Variants in ATOSA observed in about 807,000 individuals in gnomAD.
ATOSA encodes the protein atos homolog protein A.
the ATOSA span, among the ~76,000 whole-genome samples, chr15:52,590,105 A>T: frequency 1.3e-5 from 2 of 152,154 alleles, no homozygotes; most frequent in African/African-American, 4.8e-5. Context: ...TGGGATTTTA[A>T]AATGGAATAG....
chr15:52,705,694 G>A, the ATOSA span, among the ~76,000 whole-genome samples: 3 of 152,062 alleles, frequency 2.0e-5, no homozygotes, highest in Non-Finnish European at 4.4e-5. Flanking sequence ...TCAATACATA[G>A]ATTCCCAGCA....
At chr15:52,664,145 G>A in the ATOSA span, among the ~76,000 whole-genome samples, 5 of 152,192 alleles carry the variant, frequency 3.3e-5, no homozygotes, top group African/African-American at 1.2e-4. Context: ...CCTTACTAAA[G>A]TAGGAAACCA....
At chr15:52,685,970 A>G in the ATOSA span, among the ~76,000 whole-genome samples, 1 of 151,962 alleles carries the variant, frequency 6.6e-6, no homozygotes, top group Non-Finnish European at 1.5e-5. Context: ...CACTCAAGTG[A>G]TCTTCCCACC....
the ATOSA span, among the ~76,000 whole-genome samples, chr15:52,641,760 GA>G: frequency 6.6e-6 from 1 of 152,162 alleles, no homozygotes; most frequent in Non-Finnish European, 1.5e-5. Flanking sequence ...GGTAAGAACA[GA>G]AACAACACAT....
chr15:52,703,964 A>C, the ATOSA span, among the ~76,000 whole-genome samples: 1 of 152,342 alleles, frequency 6.6e-6, no homozygotes, highest in South Asian at 2.1e-4. Context: ...TCCAGGATAT[A>C]CTATTAAGAG....
chr15:52,679,540 G>A, the ATOSA span, among the ~76,000 whole-genome samples: 1 of 152,188 alleles, frequency 6.6e-6, no homozygotes, highest in Non-Finnish European at 1.5e-5. Flanking sequence ...GCAGGTGCCC[G>A]GCGGGTGCGA....
chr15:52,678,023 T>G, the ATOSA span: 36 of 1,613,916 alleles, frequency 2.2e-5, no homozygotes, highest in African/African-American at 1.3e-5. Flanking sequence ...TGGCTTCATT[T>G]TCACATCCAA....
At chr15:52,683,449 T>C in the ATOSA span, among the ~76,000 whole-genome samples, 1 of 152,204 alleles carries the variant, frequency 6.6e-6, no homozygotes, top group African/African-American at 2.4e-5. Context: ...AGAATTTAAA[T>C]TGGTTGATAT....
chr15:52,603,955 G>A, the ATOSA span, among the ~76,000 whole-genome samples: 10 of 152,234 alleles, frequency 6.6e-5, no homozygotes, highest in East Asian at 5.8e-4. Context: ...ATAATTTATC[G>A]TATATTTAAA....
chr15:52,675,508 T>C, the ATOSA span, among the ~76,000 whole-genome samples: 4 of 152,380 alleles, frequency 2.6e-5, no homozygotes, highest in South Asian at 4.1e-4. Context: ...GAAGCACAGC[T>C]GTCTTTCACA....
At chr15:52,583,893 A>C in the ATOSA span, among the ~76,000 whole-genome samples, 27 of 152,128 alleles carry the variant, frequency 1.8e-4, no homozygotes, top group South Asian at 8.3e-4. Flanking sequence ...TGGGGAGAAT[A>C]ATTAACGGAC....
At chr15:52,652,175 A>G in the ATOSA span, 1 of 856,012 alleles carries the variant, frequency 1.2e-6, no homozygotes, top group East Asian at 3.3e-5. Context: ...CAGCACTGTC[A>G]TGTTTTCTTT....
chr15:52,611,030 G>C, the ATOSA span: 1 of 1,325,776 alleles, frequency 7.5e-7, no homozygotes, highest in South Asian at 1.8e-5. Flanking sequence ...CTTACATTTA[G>C]AATTGCAGGA....
the ATOSA span, among the ~76,000 whole-genome samples, chr15:52,662,071 TCA>T: frequency 1.3e-5 from 2 of 152,180 alleles, no homozygotes; most frequent in Non-Finnish European, 2.9e-5. Flanking sequence ...TGGTGATTAT[TCA>T]CACAGATAGT....
At chr15:52,659,646 C>G in the ATOSA span, among the ~76,000 whole-genome samples, 4 of 152,190 alleles carry the variant, frequency 2.6e-5, no homozygotes, top group East Asian at 7.7e-4. Context: ...GGCAAATGAG[C>G]TATTTTAATC....
the ATOSA span, among the ~76,000 whole-genome samples, chr15:52,628,623 C>T: frequency 1.3e-5 from 2 of 152,008 alleles, no homozygotes; most frequent in South Asian, 2.1e-4. Flanking sequence ...AAACACTATC[C>T]TAGATACAGC....
At chr15:52,683,213 T>C in the ATOSA span, among the ~76,000 whole-genome samples, 1 of 152,286 alleles carries the variant, frequency 6.6e-6, no homozygotes, top group African/African-American at 2.4e-5. Flanking sequence ...GCATTTTACA[T>C]ATATATTTGA....
chr15:52,662,922 G>A, the ATOSA span, among the ~76,000 whole-genome samples: 30 of 152,186 alleles, frequency 2.0e-4, no homozygotes, highest in African/African-American at 7.0e-4. Context: ...AAAAGAATTA[G>A]CTAACAGTAG....
the ATOSA span, among the ~76,000 whole-genome samples, chr15:52,684,859 G>A: frequency 6.6e-6 from 1 of 152,128 alleles, no homozygotes; most frequent in Non-Finnish European, 1.5e-5. Flanking sequence ...TTACAGGCAT[G>A]AGCCACCATG....
Sources: allele counts gnomAD v4.1 joint callset (sites outside exome capture counted in the v4.1 genomes callset), GRCh38; gene constraint gnomAD v4.1.1; transcripts MANE v1.5; gene names NCBI Gene and HGNC (gene_info 2026-07-23, HGNC 2026-07-21).